PPWD1: variants seen among roughly 807,000 people sequenced by gnomAD.
PPWD1 encodes peptidylprolyl isomerase domain and WD repeat containing 1.
Under a neutral mutation model 68.8 loss-of-function variants are expected in PPWD1, and 43 were observed. The observed-to-expected ratio is 0.62, with a 90% CI of 0.49 to 0.81. The LOEUF (loss-of-function observed/expected upper bound fraction) is 0.81. Ranked by LOEUF, PPWD1 falls within the 30% of genes least tolerant of loss-of-function variation. The pLI is 0.00. For missense variants in PPWD1, 672 were observed against 804.8 expected, an observed-to-expected ratio of 0.83 and a Z score of 2.00; for synonymous variants, 232 against 258.7, an observed-to-expected ratio of 0.90 and a Z score of 0.99.
intron 6 of PPWD1, among the ~76,000 whole-genome samples, 180 bp downstream of exon 6, chr5:65,577,249 T>C (rs1454692239): frequency 6.6e-6 from 1 of 152,228 alleles, no homozygotes; most frequent in East Asian, 1.9e-4. Context: ...TATAATCTTA[T>C]GTAGAAAGTT....
intron 10 of PPWD1, among the ~76,000 whole-genome samples, chr5:65,586,915 G>A (rs1386873973): frequency 6.6e-6 from 1 of 152,122 alleles, no homozygotes; most frequent in Non-Finnish European, 1.5e-5. Context: ...TGAATAAACT[G>A]TTCAGGTAAG....
intron 7 of PPWD1, 66 bp from the exon 8 acceptor site, chr5:65,582,969 ATTG>A (rs2150607503): frequency 6.9e-7 from 1 of 1,444,290 alleles, no homozygotes; most frequent in African/African-American, 1.4e-5. Context: ...TAGAAATTCT[ATTG>A]TTCATAAAAT....
intron 5 of PPWD1, among the ~76,000 whole-genome samples, chr5:65,573,872 C>G (rs1448992727): frequency 1.3e-5 from 2 of 152,060 alleles, no homozygotes; most frequent in Non-Finnish European, 2.9e-5. Flanking sequence ...GTGACTCTAG[C>G]CATCACTTGT....
intron 1 of PPWD1, 144 bp downstream of exon 1, chr5:65,563,650 A>G: frequency 7.5e-7 from 1 of 1,332,464 alleles, no homozygotes; most frequent in Non-Finnish European, 1.0e-6. Flanking sequence ...GCTACTCCAT[A>G]CTTGCATGTC....
intron 8 of PPWD1, among the ~76,000 whole-genome samples, chr5:65,583,817 T>A (rs918207388): frequency 2.0e-5 from 3 of 152,144 alleles, no homozygotes. Context: ...CTGGGCATGG[T>A]GGCACGCACC....
At chr5:65,584,913 G>A in intron 8 of PPWD1, 101 bp from the exon 9 acceptor site, 4 of 1,445,786 alleles carry the variant, frequency 2.8e-6, no homozygotes, top group Admixed American at 2.8e-5. Flanking sequence ...GAAACATTCA[G>A]AAGACATGGA....
chr5:65,585,164 A>G, intron 9 of PPWD1, 69 bp downstream of exon 9: 3 of 1,434,358 alleles, frequency 2.1e-6, no homozygotes, highest in Middle Eastern at 2.3e-4. Context: ...TTTAAGCGCA[A>G]GGAATCTTCT....
intron 1 of PPWD1, chr5:65,563,795 C>T: frequency 6.7e-7 from 1 of 1,501,450 alleles, no homozygotes; most frequent in Non-Finnish European, 9.0e-7. Flanking sequence ...CTCATTTACT[C>T]CCCACAGCAG....
At chr5:65,566,034 C>G (rs1323788510) in intron 1 of PPWD1, among the ~76,000 whole-genome samples, 1 of 152,122 alleles carries the variant, frequency 6.6e-6, no homozygotes, top group Non-Finnish European at 1.5e-5. Context: ...CACTATATCT[C>G]TTCAGGACAG....
intron 9 of PPWD1, 29 bp from the exon 10 acceptor site, chr5:65,585,969 AT>A: frequency 6.2e-7 from 1 of 1,607,226 alleles, no homozygotes; most frequent in Non-Finnish European, 8.5e-7. Context: ...GAAAAGGACA[AT>A]GTAATGTTTT....
chr5:65,571,047 G>C (rs1042826514), intron 4 of PPWD1, among the ~76,000 whole-genome samples: 5 of 152,098 alleles, frequency 3.3e-5, no homozygotes, highest in African/African-American at 1.2e-4. Flanking sequence ...TTGATCACCT[G>C]TCCTACTCCC....
At chr5:65,576,079 A>AT (rs893318114) in intron 5 of PPWD1, among the ~76,000 whole-genome samples, 12 of 151,392 alleles carry the variant, frequency 7.9e-5, no homozygotes, top group Non-Finnish European at 1.6e-4. Flanking sequence ...CAAAGACTTA[A>AT]TTTTTTTTAA....
intron 1 of PPWD1, among the ~76,000 whole-genome samples, chr5:65,564,097 T>G (rs461534): frequency 0.63 from 94,774 of 151,506 alleles, 29,877 homozygotes; most frequent in South Asian, 0.65. Context: ...ATGGGCTGAG[T>G]CTTTTTGTCA....
chr5:65,564,557 A>G (rs1374157909), intron 1 of PPWD1, among the ~76,000 whole-genome samples: 1 of 152,014 alleles, frequency 6.6e-6, no homozygotes, highest in Admixed American at 6.6e-5. Flanking sequence ...TTGACCTCGT[A>G]ATCTGCCTGC....
At chr5:65,576,075 CTTAA>C (rs1054580150) in intron 5 of PPWD1, among the ~76,000 whole-genome samples, 1 of 151,842 alleles carries the variant, frequency 6.6e-6, no homozygotes, top group Non-Finnish European at 1.5e-5. Flanking sequence ...ATTTCAAAGA[CTTAA>C]TTTTTTTTAA....
intron 1 of PPWD1, 74 bp downstream of exon 1, chr5:65,563,580 A>C: frequency 6.7e-7 from 1 of 1,497,144 alleles, no homozygotes; most frequent in Non-Finnish European, 9.0e-7. Flanking sequence ...GCCAGATCCG[A>C]AGAGGGATGA....
chr5:65,563,788 A>G (rs1303293818), intron 1 of PPWD1: 2 of 1,496,450 alleles, frequency 1.3e-6, no homozygotes, highest in East Asian at 2.5e-5. Flanking sequence ...GGCTCCTCTC[A>G]TTTACTCCCC....
chr5:65,567,934 A>C (rs1183960663), intron 2 of PPWD1: 1 of 197,876 alleles, frequency 5.1e-6, no homozygotes, highest in Non-Finnish European at 9.6e-6. Context: ...CTTTGGCACT[A>C]GTGGAGAAAA....
chr5:65,576,818 G>A (rs1475544672), intron 5 of PPWD1, 61 bp from the exon 6 acceptor site: 4 of 1,542,014 alleles, frequency 2.6e-6, no homozygotes, highest in South Asian at 1.2e-5. Flanking sequence ...AGATAGATGG[G>A]TTGATATAGA....
Sources: gnomAD v4.1 joint callset for allele counts (sites outside exome capture counted in the v4.1 genomes callset) on GRCh38, gnomAD v4.1.1 for gene constraint, MANE v1.5 for transcripts, NCBI Gene and HGNC (gene_info 2026-07-23, HGNC 2026-07-21) for gene names.